Variants in IMMP2L observed in about 807,000 individuals in gnomAD.
The protein encoded by IMMP2L is inner mitochondrial membrane peptidase subunit 2.
IMMP2L carries 18 observed loss-of-function variants against 19.3 expected under a neutral mutation model. The observed-to-expected ratio is 0.93, with a 90% CI of 0.64 to 1.38. IMMP2L has a LOEUF of 1.38. Among genes scored for constraint, IMMP2L ranks in the 40% most tolerant of loss-of-function variants. The pLI is 0.00. For synonymous variants in IMMP2L, 76 were observed against 73.0 expected, an observed-to-expected ratio of 1.04 and a Z score of -0.21; for missense variants, 233 against 218.2, an observed-to-expected ratio of 1.07 and a Z score of -0.43.
Position 110,840,340 on chromosome 7 carries a change from G to A in IMMP2L, c.408+46253C>T, listed in dbSNP as rs537425408. Among the ~76,000 whole-genome samples the A allele has an allele frequency of 8.5e-5, 13 of 152,134 alleles. No individual in the cohort carries two copies. The South Asian group carries it at 1.0e-3, about 12-fold the overall frequency. ...ATTCCACCAAATTGAATGTGCCATCGATTTCCTTCTGGAATCCTGACCCAT... is the reference window on the plus strand; with the variant it reads ...ATTCCACCAAATTGAATGTGCCATCAATTTCCTTCTGGAATCCTGACCCAT... On this transcript the variant is annotated intron_variant, in intron 5 of 5. Coordinates refer to ENST00000405709, the MANE Select transcript of IMMP2L (RefSeq NM_032549.4).
intron 3 of IMMP2L, among the ~76,000 whole-genome samples, chr7:111,186,192 G>T (rs1808244519): frequency 6.6e-6 from 1 of 152,188 alleles, no homozygotes; most frequent in Admixed American, 6.5e-5. Flanking sequence ...CCCACCAAAG[G>T]TGTCCATGAT....
chr7:111,526,944 A>G (rs1332248203), intron 1 of IMMP2L, among the ~76,000 whole-genome samples: 1 of 152,144 alleles, frequency 6.6e-6, no homozygotes, highest in African/African-American at 2.4e-5. Flanking sequence ...GGGAAACATT[A>G]ATAAAAGTTG....
chr7:111,317,309 A>G (rs1179299246), intron 3 of IMMP2L, among the ~76,000 whole-genome samples: 1 of 152,158 alleles, frequency 6.6e-6, no homozygotes, highest in Non-Finnish European at 1.5e-5. Flanking sequence ...ATTCTGAACT[A>G]GAAATAAATG....
intron 1 of IMMP2L, among the ~76,000 whole-genome samples, chr7:111,552,248 A>T (rs1790751743): frequency 6.6e-6 from 1 of 152,130 alleles, no homozygotes; most frequent in African/African-American, 2.4e-5. Flanking sequence ...TTCAACTTCC[A>T]TTCAGTTTTA....
intron 5 of IMMP2L, among the ~76,000 whole-genome samples, chr7:110,778,982 T>C (rs191903447): frequency 5.5e-4 from 83 of 152,090 alleles, no homozygotes; most frequent in African/African-American, 1.9e-3. Context: ...TTGTCCACCA[T>C]GTAGAGTAGT....
chr7:111,042,106 A>G (rs1791954122), intron 3 of IMMP2L, among the ~76,000 whole-genome samples: 2 of 152,238 alleles, frequency 1.3e-5, no homozygotes, highest in Non-Finnish European at 1.5e-5. Flanking sequence ...AATATTCCTT[A>G]TAATCCCCCT....
Position 111,282,745 on chromosome 7 carries a change from A to G in IMMP2L, c.239+204493T>C, listed in dbSNP as rs114420435. On this transcript the variant is annotated intron_variant, in intron 3 of 5. Transcript: ENST00000405709. ...ACCACAGGCGTGAGCCACAATGCTA[A>G]GCTAATTTTTGTGTGTTTTATAGAG... 4.1e-3 allele frequency among the ~76,000 whole-genome samples: 623 copies of G among 152,150 alleles called. 8 individuals are homozygous for G. Among genetic ancestry groups the G allele is most frequent in the African/African-American group, 0.015 (602 of 41,512 alleles).
At chr7:111,189,560 G>GA (rs928469144) in intron 3 of IMMP2L, among the ~76,000 whole-genome samples, 20 of 147,440 alleles carry the variant, frequency 1.4e-4, no homozygotes, top group Admixed American at 2.0e-4. Context: ...CCTAAGTCCT[G>GA]AAAAAAAAAA....
chr7:111,162,697 T>C (rs562182248), intron 3 of IMMP2L, among the ~76,000 whole-genome samples: 1 of 150,288 alleles, frequency 6.7e-6, no homozygotes, highest in Non-Finnish European at 1.5e-5. Flanking sequence ...AATTTCCAGC[T>C]AGAAGGTATG....
chr7:111,529,265 T>A (rs1469756505), intron 1 of IMMP2L, among the ~76,000 whole-genome samples: 1 of 152,132 alleles, frequency 6.6e-6, no homozygotes. Flanking sequence ...AGCCTAAGCA[T>A]GTGAAAAATC....
At chr7:111,098,395 G>A (rs112985493) in intron 3 of IMMP2L, among the ~76,000 whole-genome samples, 2 of 151,842 alleles carry the variant, frequency 1.3e-5, no homozygotes, top group African/African-American at 2.4e-5. Context: ...CAAAATTTAT[G>A]TAAATATCAA....
At chr7:111,163,665 T>A (rs13234571) in intron 3 of IMMP2L, among the ~76,000 whole-genome samples, 34,635 of 151,900 alleles carry the variant, frequency 0.23, 5,093 homozygotes, top group East Asian at 0.57. Flanking sequence ...TAGGAAGGGA[T>A]AAGGGGCTTG....
intron 3 of IMMP2L, among the ~76,000 whole-genome samples, chr7:111,355,922 T>C (rs1352793040): frequency 6.6e-6 from 1 of 152,054 alleles, no homozygotes; most frequent in Non-Finnish European, 1.5e-5. Context: ...GTTAGAAAAC[T>C]TAATGATTCT....
chr7:111,259,142 G>A (rs997276875), intron 3 of IMMP2L, among the ~76,000 whole-genome samples: 1 of 152,032 alleles, frequency 6.6e-6, no homozygotes, highest in African/African-American at 2.4e-5. Context: ...TAAAAATCTG[G>A]TATAAACGAT....
chr7:111,116,221 C>T (rs556601368), intron 3 of IMMP2L, among the ~76,000 whole-genome samples: 2 of 152,194 alleles, frequency 1.3e-5, no homozygotes, highest in African/African-American at 2.4e-5. Flanking sequence ...GGAAACAGCA[C>T]ATGATTTGTT....
intron 5 of IMMP2L, among the ~76,000 whole-genome samples, chr7:110,677,753 T>A (rs1394329310): frequency 6.7e-6 from 1 of 150,006 alleles, no homozygotes; most frequent in African/African-American, 2.5e-5. Flanking sequence ...AAAAAAAAAA[T>A]AGATAGAAAG....
At position 110,955,029 on chromosome 7, in the gene IMMP2L, G is replaced by A. The variant is rs188548953; in HGVS notation, c.305+8471C>T. Among the ~76,000 whole-genome samples the A allele has an allele frequency of 8.6e-5, 13 of 151,898 alleles. No individual in the cohort carries two copies. In the East Asian group the frequency reaches 1.2e-3, roughly 14 times the overall value. On this transcript the variant is annotated intron_variant, in intron 4 of 5. Coordinates refer to ENST00000405709, the MANE Select transcript of IMMP2L (RefSeq NM_032549.4). Reference sequence around the variant, plus strand: ...GCTAAACTGTTTACACAAATAATGCGTTTTTTAATCGACATTTTTCACATT... The same window carrying A: ...GCTAAACTGTTTACACAAATAATGCATTTTTTAATCGACATTTTTCACATT...
At chr7:111,462,408 A>G (rs1458876500) in intron 3 of IMMP2L, among the ~76,000 whole-genome samples, 1 of 152,196 alleles carries the variant, frequency 6.6e-6, no homozygotes, top group Non-Finnish European at 1.5e-5. Flanking sequence ...AGTAGAGATT[A>G]GGAAATTAAT....
At chr7:111,097,387 A>G (rs1438969207) in intron 3 of IMMP2L, 2 of 151,934 alleles carry the variant, frequency 1.3e-5, no homozygotes, top group Non-Finnish European at 2.9e-5. Context: ...TCACTGTGAT[A>G]AACAGGTTTG....
Sources: allele counts gnomAD v4.1 joint callset (sites outside exome capture counted in the v4.1 genomes callset), GRCh38; gene constraint gnomAD v4.1.1; transcripts MANE v1.5; gene names NCBI Gene and HGNC (gene_info 2026-07-23, HGNC 2026-07-21).